TMTC4: variants seen among roughly 807,000 people sequenced by gnomAD.
TMTC4 encodes the protein protein O-mannosyl-transferase TMTC4.
In TMTC4, 65 loss-of-function variants were observed where a neutral mutation model predicts 86.0. The observed-to-expected ratio is 0.76, with a 90% CI of 0.62 to 0.93. The LOEUF is 0.93. TMTC4 is among the 40% of genes least tolerant of loss of function. The pLI, the probability that TMTC4 is intolerant of heterozygous loss-of-function variation, is 0.00. For synonymous variants in TMTC4, 379 were observed against 382.5 expected (o/e 0.99, Z 0.11); for missense variants, 866 against 948.1 (o/e 0.91, Z 1.14).
chr13:100,626,934 C>A (rs748130742), intron 12 of TMTC4, among the ~76,000 whole-genome samples: 5 of 152,112 alleles, frequency 3.3e-5, no homozygotes, highest in Non-Finnish European at 5.9e-5. Context: ...AGGGTGGAGG[C>A]CCATGAATGG....
At chr13:100,647,389 C>T (rs557517294) in intron 6 of TMTC4, among the ~76,000 whole-genome samples, 1 of 152,198 alleles carries the variant, frequency 6.6e-6, no homozygotes, top group African/African-American at 2.4e-5. Context: ...CCATAGCTCA[C>T]TAGAAACCAA....
At chr13:100,662,071 A>C (rs1430642366) in intron 5 of TMTC4, among the ~76,000 whole-genome samples, 4 of 151,940 alleles carry the variant, frequency 2.6e-5, no homozygotes, top group African/African-American at 9.7e-5. Flanking sequence ...TTCCAAACAC[A>C]CAGAGGCAGC....
In TMTC4 at chr13:100,670,494, C is replaced by A; in HGVS notation, c.-132G>T. 1.1e-6 allele frequency: 1 copy of A among 871,684 alleles called. No homozygotes were observed. Among genetic ancestry groups the A allele is most frequent in the Admixed American group, 3.1e-5 (1 of 32,750 alleles). 54.0% of individuals were successfully genotyped at this position (871,684 alleles called of 1,614,324 possible). On this transcript the variant is annotated 5_prime_UTR_variant, in exon 2 of 19. Transcript: ENST00000342624. ...AGCCTGGCATACGGCATGCTCTCAG[C>A]AAGTGCTGGGGGAATACTGCAGCTA...
chr13:100,662,726 G>A (rs764479268), intron 5 of TMTC4, among the ~76,000 whole-genome samples: 1 of 152,156 alleles, frequency 6.6e-6, no homozygotes, highest in Non-Finnish European at 1.5e-5. Context: ...CCGACATGGT[G>A]CTCTGCATTT....
intron 15 of TMTC4, among the ~76,000 whole-genome samples, chr13:100,616,344 A>G (rs779284923): frequency 3.9e-5 from 6 of 152,030 alleles, no homozygotes; most frequent in Non-Finnish European, 8.8e-5. Context: ...CTGGGATTAC[A>G]GGCGCCCACC....
At chr13:100,665,083 A>G (rs759584898) in intron 3 of TMTC4, among the ~76,000 whole-genome samples, 1 of 152,148 alleles carries the variant, frequency 6.6e-6, no homozygotes, top group Non-Finnish European at 1.5e-5. Flanking sequence ...AAAAAACCTT[A>G]ATTTTTCCAG....
chr13:100,621,640 T>A (rs1445782243), intron 15 of TMTC4, among the ~76,000 whole-genome samples: 1 of 152,196 alleles, frequency 6.6e-6, no homozygotes, highest in Non-Finnish European at 1.5e-5. Context: ...TTAGCCAGGA[T>A]GGTCTCGATC....
intron 5 of TMTC4, among the ~76,000 whole-genome samples, chr13:100,660,245 C>T (rs1259968173): frequency 6.7e-6 from 1 of 150,184 alleles, no homozygotes; most frequent in Admixed American, 6.7e-5. Context: ...GTAGGAGAAT[C>T]ACTTGAACCT....
intron 1 of TMTC4, chr13:100,674,200 G>T (rs1354316181): frequency 1.0e-6 from 1 of 981,972 alleles, no homozygotes; most frequent in Non-Finnish European, 1.2e-6. Context: ...CCGCGCTCGC[G>T]CCGCTCCGCT....
At chr13:100,665,906 C>T (rs1196564962) in intron 3 of TMTC4, 3 of 412,456 alleles carry the variant, frequency 7.3e-6, no homozygotes, top group East Asian at 7.2e-5. Flanking sequence ...GTTAGAGATT[C>T]TGTGAAGGTC....
intron 6 of TMTC4, among the ~76,000 whole-genome samples, chr13:100,646,138 G>C (rs909155051): frequency 6.6e-6 from 1 of 152,020 alleles, no homozygotes; most frequent in African/African-American, 2.4e-5. Context: ...ACCAGTAATC[G>C]GCCTTTAACA....
In TMTC4 at chr13:100,604,871, C is replaced by T; in HGVS notation, c.*123G>A. 8.6e-7 allele frequency: 1 copy of T among 1,159,130 alleles called. No individual in the cohort carries two copies. Among genetic ancestry groups the T allele is most frequent in the Non-Finnish European group, 1.2e-6 (1 of 867,490 alleles). 71.8% of individuals were successfully genotyped at this position (1,159,130 alleles called of 1,614,324 possible). On this transcript the variant is annotated 3_prime_UTR_variant, in exon 19 of 19. Coordinates refer to ENST00000342624, the MANE Select transcript of TMTC4 (RefSeq NM_032813.5). ...TAATCTTTTTGCATGTCTTTGTTTT[C>T]ATAGAAAAAAATCAGTAAAATAACA...
rs900903560 is a variant in TMTC4, at chr13:100,635,107, G to A, written c.1291C>T (p.Arg431Cys). The A allele has an allele frequency of 6.8e-6, 11 of 1,614,144 alleles. No individual in the cohort carries two copies. Among genetic ancestry groups the A allele is most frequent in the African/African-American group, 1.3e-5 (1 of 75,028 alleles). ...CCAACGCTGGGGAGGTAGAGGACAC[G>A]CTCTGCGACCACGAAGCCCACTCGG... ...FFRVGFVVAE[R>C]VLYLPSVGYC... Residue 431 changes from arginine (R) to cysteine (C), a missense_variant, in exon 11 of 19, where the codon CGT (arginine) becomes TGT (cysteine). Physicochemically the swap from Arg to Cys is radical, Grantham distance 180. Coordinates refer to ENST00000342624, the MANE Select transcript of TMTC4 (RefSeq NM_032813.5).
At chr13:100,672,828 A>G (rs890002260) in intron 1 of TMTC4, among the ~76,000 whole-genome samples, 2 of 152,156 alleles carry the variant, frequency 1.3e-5, no homozygotes, top group Non-Finnish European at 2.9e-5. Context: ...GAAATAGGAA[A>G]GGATGCTCTG....
At chr13:100,667,699 T>C (rs760101402) in intron 3 of TMTC4, among the ~76,000 whole-genome samples, 1 of 152,148 alleles carries the variant, frequency 6.6e-6, no homozygotes, top group Non-Finnish European at 1.5e-5. Context: ...TTATATCTAG[T>C]AGGGAGCTAA....
intron 6 of TMTC4, among the ~76,000 whole-genome samples, chr13:100,647,265 G>A (rs903082782): frequency 1.3e-5 from 2 of 152,232 alleles, no homozygotes; most frequent in African/African-American, 2.4e-5. Flanking sequence ...CTCATCCAGA[G>A]ATAAACAGAG....
chr13:100,643,650 T>C (rs1883329197), intron 6 of TMTC4, among the ~76,000 whole-genome samples: 1 of 152,220 alleles, frequency 6.6e-6, no homozygotes, highest in African/African-American at 2.4e-5. Flanking sequence ...TACATAACCT[T>C]CAGTACTCTT....
intron 17 of TMTC4, among the ~76,000 whole-genome samples, chr13:100,607,498 G>C (rs969138185): frequency 3.0e-4 from 44 of 148,844 alleles, no homozygotes; most frequent in Non-Finnish European, 5.6e-4. Flanking sequence ...GCCTGGGCAA[G>C]AGAGCAAGAC....
At chr13:100,632,728 TATTC>T (rs1465191209) in intron 12 of TMTC4, among the ~76,000 whole-genome samples, 1 of 152,220 alleles carries the variant, frequency 6.6e-6, no homozygotes, top group Non-Finnish European at 1.5e-5. Context: ...AGATGTCAAC[TATTC>T]ATTAGTTTTG....
Sources: gnomAD v4.1 joint callset for allele counts (sites outside exome capture counted in the v4.1 genomes callset) on GRCh38, gnomAD v4.1.1 for gene constraint, MANE v1.5 for transcripts, NCBI Gene and HGNC (gene_info 2026-07-23, HGNC 2026-07-21) for gene names.